Variants in ROBO2 observed in about 807,000 individuals in gnomAD.
The protein encoded by ROBO2 is roundabout homolog 2.
In ROBO2, 53 loss-of-function variants were observed where a neutral mutation model predicts 160.8. The ratio of observed to expected loss-of-function variants is 0.33; its 90% CI spans 0.26 to 0.41. ROBO2 has a LOEUF of 0.41. Among genes scored for constraint, ROBO2 ranks in the 10% least tolerant of loss-of-function variants. The pLI, the probability that ROBO2 is intolerant of heterozygous loss-of-function variation, is 1.00. For synonymous variants in ROBO2, 664 were observed against 611.7 expected, an observed-to-expected ratio of 1.09 and a Z score of -1.26; for missense variants, 1,577 against 1,722.4, an observed-to-expected ratio of 0.92 and a Z score of 1.49.
intron 2 of ROBO2, among the ~76,000 whole-genome samples, chr3:75,972,872 T>G (rs913956732): frequency 1.3e-5 from 2 of 151,638 alleles, no homozygotes; most frequent in African/African-American, 4.8e-5. Flanking sequence ...TGGTAGCCCG[T>G]TAAGTGTGGC....
intron 2 of ROBO2, among the ~76,000 whole-genome samples, chr3:77,111,923 A>T (rs1279554674): frequency 6.6e-6 from 1 of 152,114 alleles, no homozygotes; most frequent in Non-Finnish European, 1.5e-5. Flanking sequence ...ACTATCGGAG[A>T]AAGATCAGCT....
chr3:75,967,692 A>T (rs892826091), intron 2 of ROBO2, among the ~76,000 whole-genome samples: 1 of 151,512 alleles, frequency 6.6e-6, no homozygotes, highest in Non-Finnish European at 1.5e-5. Context: ...TTCGTATATA[A>T]TTTTGTTTTT....
At chr3:76,752,353 G>C (rs1197816559) in intron 2 of ROBO2, among the ~76,000 whole-genome samples, 1 of 151,764 alleles carries the variant, frequency 6.6e-6, no homozygotes, top group African/African-American at 2.4e-5. Flanking sequence ...ACGAGTTAGT[G>C]GGTGCAGCAC....
At chr3:76,158,618 A>AT (rs1274912393) in intron 2 of ROBO2, among the ~76,000 whole-genome samples, 1 of 152,078 alleles carries the variant, frequency 6.6e-6, no homozygotes, top group East Asian at 1.9e-4. Flanking sequence ...GAGAGGTGGT[A>AT]TGCAGTGGTT....
chr3:76,428,524 T>A (rs1229414843), intron 2 of ROBO2, among the ~76,000 whole-genome samples: 2 of 152,142 alleles, frequency 1.3e-5, no homozygotes, highest in African/African-American at 4.8e-5. Context: ...GAAAAAATGC[T>A]TTTTAGAGTC....
intron 2 of ROBO2, among the ~76,000 whole-genome samples, chr3:76,949,177 C>G (rs2078804776): frequency 1.3e-5 from 2 of 151,790 alleles, no homozygotes; most frequent in Admixed American, 1.3e-4. Context: ...TCACATAATT[C>G]CAATACCTGA....
intron 2 of ROBO2, among the ~76,000 whole-genome samples, chr3:76,928,280 C>T (rs1036113790): frequency 1.3e-5 from 2 of 152,032 alleles, no homozygotes; most frequent in African/African-American, 4.8e-5. Flanking sequence ...CAAATTCCCC[C>T]CAGAGCTTCT....
At chr3:76,096,214 A>C (rs2069447237) in intron 2 of ROBO2, among the ~76,000 whole-genome samples, 1 of 152,194 alleles carries the variant, frequency 6.6e-6, no homozygotes, top group African/African-American at 2.4e-5. Flanking sequence ...TTTATGATCA[A>C]TTACATTTTA....
intron 2 of ROBO2, among the ~76,000 whole-genome samples, chr3:75,956,221 C>T (rs149455906): frequency 6.6e-6 from 1 of 151,904 alleles, no homozygotes; most frequent in East Asian, 2.0e-4. Flanking sequence ...CCTGATCTCA[C>T]AGAACTATGG....
intron 4 of ROBO2, among the ~76,000 whole-genome samples, chr3:77,492,074 A>G (rs145415379): frequency 2.0e-5 from 3 of 152,180 alleles, no homozygotes; most frequent in Non-Finnish European, 2.9e-5. Context: ...GTGCCACTGT[A>G]TACAAAATTT....
At chr3:76,294,843 A>G (rs1378341825) in intron 2 of ROBO2, among the ~76,000 whole-genome samples, 1 of 152,210 alleles carries the variant, frequency 6.6e-6, no homozygotes, top group Non-Finnish European at 1.5e-5. Context: ...GATAACTTCA[A>G]TGAGGGATAA....
intron 2 of ROBO2, among the ~76,000 whole-genome samples, chr3:77,344,991 G>A (rs1325506759): frequency 6.6e-6 from 1 of 151,922 alleles, no homozygotes; most frequent in Admixed American, 6.6e-5. Context: ...CCAAAGCTTA[G>A]AGGCTCAAAA....
intron 2 of ROBO2, among the ~76,000 whole-genome samples, chr3:76,993,767 T>C (rs1172769512): frequency 1.3e-5 from 2 of 152,280 alleles, no homozygotes; most frequent in South Asian, 2.1e-4. Context: ...ATGGGAGTTA[T>C]GTGTTTTCAG....
At chr3:76,968,587 G>A (rs2059421615) in intron 2 of ROBO2, among the ~76,000 whole-genome samples, 2 of 152,076 alleles carry the variant, frequency 1.3e-5, no homozygotes, top group African/African-American at 4.8e-5. Context: ...TAAGTCAATG[G>A]TTCAAACTGT....
At chr3:77,456,286 AG>A (rs1173732882) in intron 2 of ROBO2, among the ~76,000 whole-genome samples, 3 of 152,206 alleles carry the variant, frequency 2.0e-5, no homozygotes, top group African/African-American at 7.2e-5. Flanking sequence ...TGTGAACAGG[AG>A]TTGCTGTCTG....
At chr3:76,082,556 C>G (rs2068870116) in intron 2 of ROBO2, among the ~76,000 whole-genome samples, 1 of 152,032 alleles carries the variant, frequency 6.6e-6, no homozygotes, top group Non-Finnish European at 1.5e-5. Context: ...GAGAGAGTGA[C>G]AAGTTAGTAG....
chr3:76,174,238 A>C lies in ROBO2; in HGVS notation c.109+236636A>C, dbSNP rs144893442. On this transcript the variant is annotated intron_variant, in intron 2 of 26. Transcript: ENST00000487694. ...TGCTTTTTTCTTGTAAATTTGTTTA[A>C]GTTTTTTGTAGATTCTGGATTTTAG... Among the ~76,000 whole-genome samples the C allele has an allele frequency of 2.6e-5, 4 of 152,144 alleles. No individual in the cohort carries two copies. The East Asian group carries it at 7.7e-4, about 29-fold the overall frequency.
intron 2 of ROBO2, among the ~76,000 whole-genome samples, chr3:76,027,438 T>G (rs1330929380): frequency 1.3e-5 from 2 of 151,824 alleles, no homozygotes; most frequent in African/African-American, 4.8e-5. Context: ...AATAAGTTAA[T>G]TTCAAGGGGC....
chr3:77,448,813 A>G (rs1000326086), intron 2 of ROBO2, among the ~76,000 whole-genome samples: 1 of 151,974 alleles, frequency 6.6e-6, no homozygotes, highest in African/African-American at 2.4e-5. Flanking sequence ...CTTGAGACCA[A>G]CATTAAGCTT....
Sources: allele counts gnomAD v4.1 joint callset (sites outside exome capture counted in the v4.1 genomes callset), GRCh38; gene constraint gnomAD v4.1.1; transcripts MANE v1.5; gene names NCBI Gene and HGNC (gene_info 2026-07-23, HGNC 2026-07-21).